ZNF534: variants seen among roughly 807,000 people sequenced by gnomAD.
ZNF534 encodes the protein KRAB domain only 3.
A neutral mutation model predicts 13.6 loss-of-function variants in ZNF534; 19 were observed. That is an observed-to-expected ratio of 1.40 (90% CI 0.97 to 2.05). The LOEUF is 2.05. Ranked by LOEUF, ZNF534 falls within the 30% of genes most tolerant of loss-of-function variation. ZNF534 has a pLI of 0.00. For synonymous variants in ZNF534, 244 were observed against 273.8 expected (o/e 0.89, Z 1.07); for missense variants, 782 against 796.3 (o/e 0.98, Z 0.22).
At chr19:52,444,538 G>A (rs964988500), downstream of ZNF534, among the ~76,000 whole-genome samples, 1 of 152,082 alleles carries the variant, frequency 6.6e-6, no homozygotes, top group Non-Finnish European at 1.5e-5. Context: ...GGGAGGATTA[G>A]GTGGGGGCAG....
At chr19:52,450,785 C>T (rs769451308) in intron 4 of ZNF534, among the ~76,000 whole-genome samples, 1 of 147,838 alleles carries the variant, frequency 6.8e-6, no homozygotes, top group Non-Finnish European at 1.5e-5. Context: ...CTCCCAGGCT[C>T]AAGCGATTCA....
intron 3 of ZNF534, 101 bp downstream of exon 3, chr19:52,434,182 A>G: frequency 6.6e-7 from 1 of 1,510,500 alleles, no homozygotes; most frequent in Non-Finnish European, 8.9e-7. Context: ...CTTGACTGAG[A>G]TTGAAACCTG....
chr19:52,435,279 T>A (rs2059121775), intron 4 of ZNF534, 70 bp downstream of exon 4: 1 of 1,500,066 alleles, frequency 6.7e-7, no homozygotes, highest in African/African-American at 1.4e-5. Flanking sequence ...CACTCTGTCA[T>A]CCAGGCTGGA....
downstream of ZNF534, among the ~76,000 whole-genome samples, chr19:52,444,835 C>T (rs1039016603): frequency 6.6e-6 from 1 of 152,112 alleles, no homozygotes; most frequent in Admixed American, 6.5e-5. Flanking sequence ...AAAGGCCAGT[C>T]TCACTCCCAC....
chr19:52,445,724 CTTG>C (rs2059192409), downstream of ZNF534, among the ~76,000 whole-genome samples: 1 of 10,744 alleles, frequency 9.3e-5, no homozygotes, highest in Non-Finnish European at 2.2e-4. Context: ...CTAATTTACT[CTTG>C]CAGTCATTCT....
chr19:52,438,580 A>G lies in ZNF534; in HGVS notation c.1120A>G (p.Lys374Glu), dbSNP rs529331549. Residue 374 changes from lysine to glutamate, a missense_variant, in exon 5 of 5, where the codon AAA becomes GAA. Transcript: ENST00000433050. ...AATTGCATTCCTTGCAAGGCATCGGAAAGTTCATACTGGAGAGAAACCTTA... is the reference window on the plus strand; with the variant it reads ...AATTGCATTCCTTGCAAGGCATCGGGAAGTTCATACTGGAGAGAAACCTTA... ...SRIAFLARHR[K>E]VHTGEKPYKC... 3.4e-5 allele frequency: 54 copies of G among 1,585,438 alleles called. No homozygotes were observed. The Middle Eastern group carries it at 1.0e-3, about 29-fold the overall frequency.
chr19:52,433,521 C>T lies in ZNF534; in HGVS notation c.16-434C>T, dbSNP rs181718577. 2.0e-4 allele frequency among the ~76,000 whole-genome samples: 30 copies of T among 152,068 alleles called. No individual in the cohort carries two copies. In the East Asian group the frequency reaches 4.3e-3, roughly 22 times the overall value. ...AGCTGGGACTACAGACCCCCACCACCGCGCCTGGCTAATTTTTTGTATTTT... is the reference window on the plus strand; with the variant it reads ...AGCTGGGACTACAGACCCCCACCACTGCGCCTGGCTAATTTTTTGTATTTT... On this transcript the variant is annotated intron_variant, in intron 2 of 4. Coordinates refer to ENST00000433050, the MANE Select transcript of ZNF534 (RefSeq NM_001143938.3).
chr19:52,429,463 C>G (rs865869624), intron 1 of ZNF534, among the ~76,000 whole-genome samples: 2 of 151,390 alleles, frequency 1.3e-5, no homozygotes, highest in Non-Finnish European at 1.5e-5. Context: ...GCCTGTAATC[C>G]TGGCACTTTG....
In ZNF534 at chr19:52,436,518, T is replaced by C. The variant is rs2059130125; in HGVS notation, c.272-1214T>C. 5.3e-5 allele frequency among the ~76,000 whole-genome samples: 8 copies of C among 152,358 alleles called. No homozygotes were observed. The South Asian group carries it at 1.7e-3, about 32-fold the overall frequency. ...AGATGTGTGATGTTTTAACATTATT[T>C]CTTCAGTTGTGGCTTTTCATCCTTT... On this transcript the variant is annotated intron_variant, in intron 4 of 4. Transcript: ENST00000433050.
chr19:52,431,364 G>C (rs1599857929), intron 1 of ZNF534, 44 bp from the exon 2 acceptor site: 1 of 1,423,170 alleles, frequency 7.0e-7, no homozygotes, highest in East Asian at 2.4e-5. Context: ...CAGGAAGTGG[G>C]TGTGTTGATT....
At chr19:52,451,815 CA>C (rs879206794) in exon 5 of ZNF534, 137 of 744,426 alleles carry the variant, frequency 1.8e-4, no homozygotes, top group Middle Eastern at 3.3e-4. Context: ...AGTTTGAAGT[CA>C]AAAAAAGGTG....
downstream of ZNF534, among the ~76,000 whole-genome samples, chr19:52,445,049 A>G (rs117391293): frequency 7.1e-3 from 1,081 of 152,234 alleles, 8 homozygotes; most frequent in Non-Finnish European, 0.01. Context: ...AATTGTTACA[A>G]AGTTCAACTG....
chr19:52,430,455 C>T (rs751165021), intron 1 of ZNF534, among the ~76,000 whole-genome samples: 1 of 152,122 alleles, frequency 6.6e-6, no homozygotes, highest in Non-Finnish European at 1.5e-5. Flanking sequence ...TAAAAGGATT[C>T]TACTATAGTC....
At chr19:52,448,613 G>T (rs962919943) in intron 4 of ZNF534, among the ~76,000 whole-genome samples, 14 of 152,162 alleles carry the variant, frequency 9.2e-5, no homozygotes, top group African/African-American at 3.4e-4. Context: ...CCTGAAAATT[G>T]CATTATTTGG....
Position 52,450,285 on chromosome 19 carries a change from TTA to T in ZNF534, c.272-899_272-898del, listed in dbSNP as rs2059208555. Among the ~76,000 whole-genome samples the T allele has an allele frequency of 2.6e-5, 4 of 152,312 alleles. No individual in the cohort carries two copies. The South Asian group carries it at 8.3e-4, about 32-fold the overall frequency. On this transcript the variant is annotated intron_variant, in intron 4 of 4. Transcript: ENST00000301085. ...CCTGAAGAGTTTTCCTATTGTTTTC[TTA>T]TAGTTTTATAGTTTCAGATCTTCCA...
chr19:52,434,042 G>A lies in ZNF534; in HGVS notation c.103G>A (p.Asp35Asn). 1 of 1,614,150 alleles carries A rather than the reference G, an allele frequency of 6.2e-7. No individual in the cohort carries two copies. Among genetic ancestry groups the A allele is most frequent in the Non-Finnish European group, 8.5e-7 (1 of 1,180,030 alleles). The change falls in exon 3 of 5, where the codon GAC (aspartate) becomes AAC (asparagine). Residue 35 changes from aspartate to asparagine, a missense_variant. By Grantham distance (23) the Asp-to-Asn change is conservative (BLOSUM62 1). This residue lies in a region of ZNF534 where 81 missense variants were observed against 63.5 expected (regional missense o/e 1.28). Transcript: ENST00000433050. ...CCCTGGGCAGAAAGCTTTATACAGGGACGTGATGTTAGAGAACTACAGGAA... is the reference window on the plus strand; with the variant it reads ...CCCTGGGCAGAAAGCTTTATACAGGAACGTGATGTTAGAGAACTACAGGAA... ...LDPGQKALYR[D>N]VMLENYRNLV...
rs2059153618 is a variant in ZNF534 at position 52,439,153 on chromosome 19, C to G, written c.1693C>G (p.Leu565Val). 1.9e-6 allele frequency: 3 copies of G among 1,594,278 alleles called. No homozygotes were observed. The East Asian group carries it at 6.9e-5, about 37-fold the overall frequency. ...CAAGGTCTTCAGTCGGAATTCACAC[C>G]TTGCGCGACATAGGAATATTCATAC... ...CGKVFSRNSHLARHRNIHTGE... is the reference protein window; with the variant it reads ...CGKVFSRNSHVARHRNIHTGE... Residue 565 changes from leucine to valine, a missense_variant, in exon 5 of 5, where the codon CTT becomes GTT. Transcript: ENST00000433050.
intron 4 of ZNF534, among the ~76,000 whole-genome samples, chr19:52,436,804 C>G (rs2059131471): frequency 6.6e-6 from 1 of 151,800 alleles, no homozygotes; most frequent in African/African-American, 2.4e-5. Context: ...TAATGATTTC[C>G]CCTGTGTTTG....
At chr19:52,434,760 C>T (rs978638504) in intron 3 of ZNF534, among the ~76,000 whole-genome samples, 8 of 151,824 alleles carry the variant, frequency 5.3e-5, no homozygotes, top group African/African-American at 1.9e-4. Context: ...GAAATGTCCC[C>T]TTTCTTCAGA....
Sources: gnomAD v4.1 joint callset for allele counts (sites outside exome capture counted in the v4.1 genomes callset) on GRCh38, gnomAD v4.1.1 for gene constraint, gnomAD v4.1.1 regional missense constraint, MANE v1.5 for transcripts, NCBI Gene and HGNC (gene_info 2026-07-23, HGNC 2026-07-21) for gene names.